BTNL3: variants seen among roughly 807,000 people sequenced by gnomAD.
The protein encoded by BTNL3 is butyrophilin like 3, also known as butyrophilin-like protein 3.
A neutral mutation model predicts 40.1 loss-of-function variants in BTNL3; 20 were observed. The ratio of observed to expected loss-of-function variants is 0.50; its 90% CI spans 0.35 to 0.72. The LOEUF is 0.72. Among genes scored for constraint, BTNL3 ranks in the 30% least tolerant of loss-of-function variants. The pLI, the probability that BTNL3 is intolerant of heterozygous loss-of-function variation, is 0.01. For synonymous variants in BTNL3, 179 were observed against 222.1 expected, an observed-to-expected ratio of 0.81 and a Z score of 1.73; for missense variants, 449 against 582.2, an observed-to-expected ratio of 0.77 and a Z score of 2.35.
rs137903830 is a variant in BTNL3 at position 181,005,813 on chromosome 5, G to A, written c.1342G>A (p.Ala448Thr). Residue 448 changes from alanine to threonine, a missense_variant, in exon 8 of 8, where the codon GCG becomes ACG. Coordinates refer to ENST00000342868, the MANE Select transcript of BTNL3 (RefSeq NM_197975.3). ...EGLLRPYIQH[A>T]MYDEEKGTPI... The stretch of plus-strand genomic sequence containing the variant: ...CTTGTTGAGACCCTATATCCAGCAT[G>A]CGATGTATGACGAGGAAAAGGGGAC... The A allele has an allele frequency of 5.5e-4, 895 of 1,613,980 alleles. 7 individuals are homozygous for A. In the African/African-American group the frequency reaches 9.9e-3, roughly 18 times the overall value.
In BTNL3 at chr5:181,005,563, G is replaced by A. The variant is rs765801959; in HGVS notation, c.1092G>A (p.Arg364=). 3.1e-6 allele frequency: 5 copies of A among 1,613,920 alleles called. No homozygotes were observed. Among genetic ancestry groups the A allele is most frequent in the African/African-American group, 1.3e-5 (1 of 74,842 alleles). Residue 364 remains arginine, a synonymous_variant, in exon 8 of 8, where the codon AGG becomes AGA. Coordinates refer to ENST00000342868, the MANE Select transcript of BTNL3 (RefSeq NM_197975.3). The part of the protein sequence containing the change: ...YVGVCRDDVD[R]GKNNVTLSPN... ...GAGTGTGTCGGGATGACGTAGACAG[G>A]GGGAAGAACAATGTGACTTTGTCTC... is the stretch of plus-strand genomic sequence containing the variant.
chr5:180,997,342 C>G lies in BTNL3; in HGVS notation c.527C>G (p.Ser176Cys). ...AAAGGTCCACAAGGACAGGATTTGT[C>G]TTCAGACTCCAGAGCAAATGCAGAT... The part of the protein sequence containing the change: ...KWKGPQGQDL[S>C]SDSRANADGY... The change falls in exon 3 of 8, where the codon TCT (serine) becomes TGT (cysteine). Residue 176 changes from serine to cysteine, a missense_variant. Physicochemically the swap from Ser to Cys is moderately radical, Grantham distance 112. Transcript: ENST00000342868. The G allele has an allele frequency of 1.4e-6, 2 of 1,464,614 alleles. 1 individual carries two copies. Among genetic ancestry groups the G allele is most frequent in the Non-Finnish European group, 1.9e-6 (2 of 1,059,406 alleles). The allele number at this position is 1,464,614 out of a possible 1,614,324, so 90.7% of individuals were successfully genotyped here. A position where few individuals can be genotyped will look rare whatever the true frequency, so the allele number is the denominator to read the frequency against.
chr5:181,003,438 A>T (rs1760157806), intron 4 of BTNL3, among the ~76,000 whole-genome samples: 1 of 137,010 alleles, frequency 7.3e-6, no homozygotes, highest in Admixed American at 7.7e-5. Flanking sequence ...AGAAAATTTC[A>T]GGGTGGTTGC....
At position 181,001,403 on chromosome 5, in the gene BTNL3, A is replaced by G. The variant is rs1760106487; in HGVS notation, c.674-1269A>G. Among the ~76,000 whole-genome samples, 2 of 134,674 alleles carry G rather than the reference A, an allele frequency of 1.5e-5. 1 individual carries two copies. The highest frequency in any genetic ancestry group is 3.4e-5 in the Non-Finnish European group (2 of 59,178). 88.4% of individuals were successfully genotyped at this position (134,674 alleles called of 152,430 possible). ...ATTGCAACCTCAATTTCCCATGCTC[A>G]AGCAATCCTCCCACCTCAGCCTCCC... On this transcript the variant is annotated intron_variant, in intron 3 of 7. Transcript: ENST00000342868.
At position 180,999,885 on chromosome 5, in the gene BTNL3, G is replaced by C. The variant is rs541192925; in HGVS notation, c.673+2397G>C. On this transcript the variant is annotated intron_variant, in intron 3 of 7. Coordinates refer to ENST00000342868, the MANE Select transcript of BTNL3 (RefSeq NM_197975.3). ...CTGACTAATTTGTAACCATGAAAGA[G>C]GTGGACTCAGCATTTAAAAGTCTTC... 2.9e-5 allele frequency among the ~76,000 whole-genome samples: 4 copies of C among 136,346 alleles called. 2 individuals are homozygous for C. In the East Asian group the frequency reaches 8.6e-4, roughly 29 times the overall value. The allele number at this position is 136,346 out of a possible 152,430, so 89.4% of individuals were successfully genotyped here.
In BTNL3 at chr5:180,989,020, G is replaced by A. The variant is rs1333014966; in HGVS notation, c.-9G>A. The A allele has an allele frequency of 6.9e-7, 1 of 1,448,922 alleles. No homozygotes were observed. Among genetic ancestry groups the A allele is most frequent in the Non-Finnish European group, 9.5e-7 (1 of 1,051,216 alleles). 89.8% of individuals were successfully genotyped at this position (1,448,922 alleles called of 1,614,324 possible). On this transcript the variant is annotated 5_prime_UTR_variant, in exon 1 of 8. Transcript: ENST00000342868. ...TTTCATAGTGTGAGATCAACCCACA[G>A]GAATATCCATGGCTTTTGTGCTCAT...
In BTNL3 at chr5:180,992,153, C is replaced by G. The variant is rs139172662; in HGVS notation, c.50-660C>G. On this transcript the variant is annotated intron_variant, in intron 1 of 7. Coordinates refer to ENST00000342868, the MANE Select transcript of BTNL3 (RefSeq NM_197975.3). ...AAAGATATGTCACAACATCAGTGCA[C>G]TAAAGGGCAAATCTCTGAAATAAAA... Among the ~76,000 whole-genome samples, 1,042 of 136,534 alleles carry G rather than the reference C, an allele frequency of 7.6e-3. 222 individuals are homozygous for G. Among genetic ancestry groups the G allele is most frequent in the Non-Finnish European group, 0.013 (774 of 59,660 alleles). The allele number at this position is 136,534 out of a possible 152,430, so 89.6% of individuals were successfully genotyped here.
chr5:180,999,861 T>G (rs1020386529), intron 3 of BTNL3, among the ~76,000 whole-genome samples: 1 of 136,380 alleles, frequency 7.3e-6, no homozygotes, highest in Non-Finnish European at 1.7e-5. Flanking sequence ...ATAGACTACC[T>G]GACTAATTTG....
At position 181,006,689 on chromosome 5, in the gene BTNL3, G is replaced by A. The variant is rs1444540888; in HGVS notation, c.*817G>A. The A allele has an allele frequency of 6.6e-6, 1 of 152,172 alleles. No individual in the cohort carries two copies. The highest frequency in any genetic ancestry group is 2.4e-5 in the African/African-American group (1 of 41,448). 9.4% of individuals were successfully genotyped at this position (152,172 alleles called of 1,614,324 possible). Reference sequence around the variant, plus strand: ...GTTTAATATTTAAATATCAACCAGTGTAATTCAGCACATTAATAAAGTAAA... The same window carrying A: ...GTTTAATATTTAAATATCAACCAGTATAATTCAGCACATTAATAAAGTAAA... On this transcript the variant is annotated 3_prime_UTR_variant, in exon 8 of 8. Coordinates refer to ENST00000342868, the MANE Select transcript of BTNL3 (RefSeq NM_197975.3).
In BTNL3 at chr5:181,005,666, C is replaced by G. The variant is rs7726607; in HGVS notation, c.1195C>G (p.Pro399Ala). ...ATTCAATCCCCATTTTATCAGCCTC[C>G]CCCCCAGCACCCCTCCTACACGAGT... ...FTFNPHFISL[P>A]PSTPPTRVGV... Residue 399 changes from proline to alanine, a missense_variant, in exon 8 of 8, where the codon CCC becomes GCC. Coordinates refer to ENST00000342868, the MANE Select transcript of BTNL3 (RefSeq NM_197975.3). The G allele has an allele frequency of 0.062, 100,263 of 1,613,876 alleles. 5,074 individuals are homozygous for G. Among genetic ancestry groups the G allele is most frequent in the African/African-American group, 0.26 (19,562 of 74,866 alleles).
intron 3 of BTNL3, among the ~76,000 whole-genome samples, chr5:180,998,930 C>T (rs1296906712): frequency 7.3e-6 from 1 of 136,634 alleles, no homozygotes; most frequent in African/African-American, 2.5e-5. Context: ...AGTTCAAGAC[C>T]AGCCTGGCCA....
At chr5:180,996,576 C>A (rs1347873597) in intron 2 of BTNL3, among the ~76,000 whole-genome samples, 2 of 136,904 alleles carry the variant, frequency 1.5e-5, no homozygotes, top group East Asian at 4.3e-4. Context: ...CACACCCCTA[C>A]TCTCTTATAC....
Position 180,997,159 on chromosome 5 carries a change from G to A in BTNL3, c.398-54G>A. The A allele has an allele frequency of 3.4e-6, 5 of 1,459,842 alleles. 1 individual carries two copies. The highest frequency in any genetic ancestry group is 9.5e-7 in the Non-Finnish European group (1 of 1,057,758). 90.4% of individuals were successfully genotyped at this position (1,459,842 alleles called of 1,614,324 possible). A position where few individuals can be genotyped will look rare whatever the true frequency, so the allele number is the denominator to read the frequency against. On this transcript the variant is annotated intron_variant, in intron 2 of 7. Coordinates refer to ENST00000342868, the MANE Select transcript of BTNL3 (RefSeq NM_197975.3). ...AGGCTTGATGAACCAGACTCAAAATGCTGTAAGCTTGAAATTTGGTCTTTG... is the reference window on the plus strand; with the variant it reads ...AGGCTTGATGAACCAGACTCAAAATACTGTAAGCTTGAAATTTGGTCTTTG...
At position 181,003,868 on chromosome 5, in the gene BTNL3, C is replaced by A. The variant is rs757278521; in HGVS notation, c.800C>A (p.Ala267Glu). ...GTTTCTGTTTCAGGGAAAATCCAGG[C>A]GGAACTGGGTATGTGTCATGTCCTG... ...VFFKSKGKIQ[A>E]ELDWRRKHGQ... The change falls in exon 5 of 8, where the codon GCG (alanine) becomes GAG (glutamate). Residue 267 changes from alanine (A) to glutamate (E), a missense_variant. Transcript: ENST00000342868. 2 of 1,614,014 alleles carry A rather than the reference C, an allele frequency of 1.2e-6. No homozygotes were observed. The highest frequency in any genetic ancestry group is 8.5e-7 in the Non-Finnish European group (1 of 1,180,052).
chr5:181,004,148 G>C (rs1356030749), intron 5 of BTNL3, among the ~76,000 whole-genome samples: 10 of 152,126 alleles, frequency 6.6e-5, no homozygotes, highest in African/African-American at 2.4e-4. Context: ...GGGAGGTGTT[G>C]ATCATGAGCT....
intron 4 of BTNL3, among the ~76,000 whole-genome samples, 154 bp from the exon 5 acceptor site, chr5:181,003,702 G>A (rs1351640585): frequency 4.7e-5 from 7 of 150,434 alleles, no homozygotes; most frequent in Admixed American, 2.0e-4. Flanking sequence ...GCCACACTCC[G>A]TGCAGGGGCT....
In BTNL3 at chr5:181,000,759, T is replaced by C. The variant is rs1760097431; in HGVS notation, c.674-1913T>C. Reference sequence around the variant, plus strand: ...AAGCGGAGCTTGCAGTGAGCCGAGATTGCGCCACTGCAGTCCGCAGTCCGG... The same window carrying C: ...AAGCGGAGCTTGCAGTGAGCCGAGACTGCGCCACTGCAGTCCGCAGTCCGG... On this transcript the variant is annotated intron_variant, in intron 3 of 7. Coordinates refer to ENST00000342868, the MANE Select transcript of BTNL3 (RefSeq NM_197975.3). 1.5e-5 allele frequency among the ~76,000 whole-genome samples: 2 copies of C among 133,702 alleles called. 1 individual carries two copies. The highest frequency in any genetic ancestry group is 5.1e-5 in the African/African-American group (2 of 39,230). The allele number at this position is 133,702 out of a possible 152,430, so 87.7% of individuals were successfully genotyped here. A position where few individuals can be genotyped will look rare whatever the true frequency, so the allele number is the denominator to read the frequency against.
chr5:180,992,028 CT>C (rs1200296154), intron 1 of BTNL3, among the ~76,000 whole-genome samples: 1 of 137,652 alleles, frequency 7.3e-6, no homozygotes, highest in Admixed American at 7.6e-5. Flanking sequence ...CAGGCTGTGG[CT>C]TGGACAAACT....
At chr5:181,005,090 A>T (rs1225116581) in intron 7 of BTNL3, among the ~76,000 whole-genome samples, 3 of 152,216 alleles carry the variant, frequency 2.0e-5, no homozygotes, top group Admixed American at 6.5e-5. Context: ...AAGGTCTCAC[A>T]AAGTCAAATA....
Sources: allele counts gnomAD v4.1 joint callset (sites outside exome capture counted in the v4.1 genomes callset), GRCh38; gene constraint gnomAD v4.1.1; transcripts MANE v1.5; gene names NCBI Gene and HGNC (gene_info 2026-07-23, HGNC 2026-07-21).